Variants in LRRC9 observed in about 807,000 individuals in gnomAD.
The protein encoded by LRRC9 is leucine-rich repeat-containing protein 9.
LRRC9 carries 122 observed loss-of-function variants against 63.2 expected under a neutral mutation model. The ratio of observed to expected loss-of-function variants is 1.93; its 90% confidence interval spans 1.67 to 2.24. The LOEUF is 2.24. Among genes scored for constraint, LRRC9 ranks in the 30% most tolerant of loss-of-function variants. The pLI is 0.00. For synonymous variants in LRRC9, 366 were observed against 213.1 expected (o/e 1.72, Z -6.25); for missense variants, 1,071 against 627.7 (o/e 1.71, Z -7.55).
At chr14:59,954,130 T>G (rs1883468631) in intron 8 of LRRC9, among the ~76,000 whole-genome samples, 1 of 152,198 alleles carries the variant, frequency 6.6e-6, no homozygotes, top group Non-Finnish European at 1.5e-5. Context: ...CTTAGAATTG[T>G]TTTGGCTATA....
At chr14:59,934,399 A>G (rs74414182) in intron 6 of LRRC9, among the ~76,000 whole-genome samples, 3,089 of 152,278 alleles carry the variant, frequency 0.02, 127 homozygotes, top group East Asian at 0.18. Context: ...CAGTGGGGCC[A>G]TCCAGGTAAA....
At chr14:60,020,448 A>G (rs1198760720) in intron 26 of LRRC9, among the ~76,000 whole-genome samples, 1 of 151,838 alleles carries the variant, frequency 6.6e-6, no homozygotes, top group Non-Finnish European at 1.5e-5. Flanking sequence ...TTTGGATCCT[A>G]TTCATATTTG....
At chr14:60,018,753 G>T (rs1323775550) in intron 25 of LRRC9, among the ~76,000 whole-genome samples, 6 of 151,924 alleles carry the variant, frequency 3.9e-5, no homozygotes, top group African/African-American at 1.4e-4. Context: ...AAGCTTCAAG[G>T]TTCTTTAAAC....
chr14:59,940,500 G>T (rs1032421865), intron 7 of LRRC9, among the ~76,000 whole-genome samples: 2 of 152,010 alleles, frequency 1.3e-5, no homozygotes, highest in African/African-American at 4.8e-5. Context: ...CTACCAGGAG[G>T]ACCACCAAAG....
chr14:60,025,465 T>C (rs1891470994), intron 27 of LRRC9, among the ~76,000 whole-genome samples: 1 of 151,976 alleles, frequency 6.6e-6, no homozygotes, highest in South Asian at 2.1e-4. Flanking sequence ...TAAGGTCTAT[T>C]TCAATCTAAT....
At chr14:60,064,785 T>C (rs998687815), downstream of LRRC9, among the ~76,000 whole-genome samples, 1 of 151,912 alleles carries the variant, frequency 6.6e-6, no homozygotes, top group Non-Finnish European at 1.5e-5. Context: ...CATCATCTTC[T>C]TTTTTTCTTT....
At chr14:60,014,782 T>G (rs1890542567) in intron 23 of LRRC9, among the ~76,000 whole-genome samples, 1 of 152,160 alleles carries the variant, frequency 6.6e-6, no homozygotes, top group African/African-American at 2.4e-5. Flanking sequence ...AGCTTCTTAC[T>G]TAGTTTCTTA....
At chr14:60,044,717 T>C (rs1246416472) in intron 29 of LRRC9, among the ~76,000 whole-genome samples, 1 of 152,226 alleles carries the variant, frequency 6.6e-6, no homozygotes, top group Non-Finnish European at 1.5e-5. Flanking sequence ...TATGGTCTAT[T>C]ATGGAAAATG....
At chr14:60,015,254 G>T (rs1272148159) in intron 23 of LRRC9, among the ~76,000 whole-genome samples, 1 of 42,530 alleles carries the variant, frequency 2.4e-5, no homozygotes, top group African/African-American at 5.1e-5. Context: ...GCTTTGAAAT[G>T]CAATTAAAAA....
At chr14:60,018,260 C>T in intron 24 of LRRC9, 111 bp from the exon 25 acceptor site, 2 of 649,330 alleles carry the variant, frequency 3.1e-6, no homozygotes, top group Non-Finnish European at 2.8e-6. Flanking sequence ...TTATACTTGT[C>T]AGGTGAGACT....
In LRRC9 at chr14:59,977,998, G is replaced by T; in HGVS notation, c.1763-19G>T. The T allele has an allele frequency of 1.5e-6, 1 of 689,330 alleles. No individual in the cohort carries two copies. Among genetic ancestry groups the T allele is most frequent in the Non-Finnish European group, 2.7e-6 (1 of 377,322 alleles). The allele number at this position is 689,330 out of a possible 1,614,324, so 42.7% of individuals were successfully genotyped here. A position where few individuals can be genotyped will look rare whatever the true frequency, so the allele number is the denominator to read the frequency against. The stretch of plus-strand genomic sequence containing the variant: ...TTGAGAAAATGTGTTTGCTTTGCTT[G>T]TTTTTGCTTTTACTCTAGATTCTGT... On this transcript the variant is annotated intron_variant, in intron 14 of 31. Transcript: ENST00000445360.
intron 7 of LRRC9, among the ~76,000 whole-genome samples, chr14:59,940,908 A>G (rs986352982): frequency 2.0e-5 from 3 of 152,220 alleles, no homozygotes; most frequent in African/African-American, 7.2e-5. Flanking sequence ...AATTCTACCA[A>G]AGTCTTTGAA....
At position 59,923,231 on chromosome 14, in the gene LRRC9, T is replaced by C. The variant is rs1288728675; in HGVS notation, c.-34+3348T>C. ...CATCCTTGTGATTCAGAAATAGTTA[T>C]ACAACTTATAGAATTTGGGGTTTTT... On this transcript the variant is annotated intron_variant, in intron 1 of 31. Transcript: ENST00000445360. The surrounding 1 kb of genome is among the most constrained non-coding windows in gnomAD (Gnocchi z 4.2). Among the ~76,000 whole-genome samples, 2 of 152,238 alleles carry C rather than the reference T, an allele frequency of 1.3e-5. No individual in the cohort carries two copies. The highest frequency in any genetic ancestry group is 2.1e-4 in the South Asian group (1 of 4,834).
At chr14:59,931,889 T>A in intron 5 of LRRC9, 80 bp from the exon 6 acceptor site, 1 of 656,910 alleles carries the variant, frequency 1.5e-6, no homozygotes, top group East Asian at 2.7e-5. Context: ...CAAGAAACGA[T>A]GGCTACATAC....
chr14:59,968,957 T>C (rs1186120656), intron 12 of LRRC9, among the ~76,000 whole-genome samples: 1 of 135,000 alleles, frequency 7.4e-6, no homozygotes, highest in Non-Finnish European at 1.6e-5. Flanking sequence ...CACCAGTTTT[T>C]AAAGACTGAG....
At chr14:59,978,188 A>C in intron 15 of LRRC9, 56 bp downstream of exon 15, 3 of 689,070 alleles carry the variant, frequency 4.4e-6, no homozygotes, top group Non-Finnish European at 8.0e-6. Context: ...ATGGGAACAA[A>C]GTAGTAATTT....
chr14:60,031,294 T>A lies in LRRC9; in HGVS notation c.3922-701T>A, dbSNP rs1437587834. ...AGTTACTAGAAGAATTTGCTATATG[T>A]CCACTTGTAATTCCACAAAGGAATA... On this transcript the variant is annotated intron_variant, in intron 28 of 31. Transcript: ENST00000445360. The surrounding 1 kb of genome is among the most constrained non-coding windows in gnomAD (Gnocchi z 4.6). 6.6e-6 allele frequency among the ~76,000 whole-genome samples: 1 copy of A among 152,112 alleles called. No individual in the cohort carries two copies. The highest frequency in any genetic ancestry group is 6.6e-5 in the Admixed American group (1 of 15,236).
intron 10 of LRRC9, 22 bp downstream of exon 10, chr14:59,961,067 T>C: frequency 1.6e-6 from 1 of 610,382 alleles, no homozygotes; most frequent in Admixed American, 2.7e-5. Flanking sequence ...AGAAATTTAG[T>C]ATAGCTTTAA....
At chr14:60,014,430 A>G (rs947860933) in intron 23 of LRRC9, among the ~76,000 whole-genome samples, 1 of 150,634 alleles carries the variant, frequency 6.6e-6, no homozygotes, top group Non-Finnish European at 1.5e-5. Flanking sequence ...GTCATTTCTT[A>G]GGGTAGTTCT....
Sources: gnomAD v4.1 joint callset for allele counts (sites outside exome capture counted in the v4.1 genomes callset) on GRCh38, gnomAD v4.1.1 for gene constraint, Gnocchi (gnomAD v3.1) non-coding constraint, MANE v1.5 for transcripts, NCBI Gene and HGNC (gene_info 2026-07-23, HGNC 2026-07-21) for gene names.